NRCAM: variants seen among roughly 807,000 people sequenced by gnomAD.
NRCAM encodes neuronal cell adhesion molecule, also known as NgCAM-related cell adhesion molecule.
In NRCAM, 83 loss-of-function variants were observed where a neutral mutation model predicts 156.5. That is an observed-to-expected ratio of 0.53 (90% confidence interval 0.44 to 0.64). The LOEUF (loss-of-function observed/expected upper bound fraction) is 0.64. Among genes scored for constraint, NRCAM ranks in the 30% least tolerant of loss-of-function variants. The pLI is 0.00. For missense variants in NRCAM, 1,417 were observed against 1,597.3 expected, an observed-to-expected ratio of 0.89 and a Z score of 1.92; for synonymous variants, 538 against 563.9, an observed-to-expected ratio of 0.95 and a Z score of 0.65.
At chr7:108,340,493 G>A (rs931203050) in intron 2 of NRCAM, among the ~76,000 whole-genome samples, 5 of 152,164 alleles carry the variant, frequency 3.3e-5, no homozygotes, top group East Asian at 1.9e-4. Flanking sequence ...ACTGCAGCCC[G>A]AGAGTTTGGC....
At chr7:108,210,981 T>G (rs187318912) in intron 11 of NRCAM, among the ~76,000 whole-genome samples, 2 of 152,212 alleles carry the variant, frequency 1.3e-5, no homozygotes, top group Non-Finnish European at 2.9e-5. Flanking sequence ...CAGAGCAGCA[T>G]GTGGAGGCTT....
chr7:108,308,826 A>T (rs960602479), intron 3 of NRCAM, among the ~76,000 whole-genome samples: 3 of 152,234 alleles, frequency 2.0e-5, no homozygotes, highest in African/African-American at 7.2e-5. Flanking sequence ...GCTGTGTCCC[A>T]TAAGAATAAT....
chr7:108,274,813 T>G (rs935332254), intron 3 of NRCAM, among the ~76,000 whole-genome samples: 14 of 152,244 alleles, frequency 9.2e-5, no homozygotes, highest in African/African-American at 3.4e-4. Context: ...CCTTGTCTTG[T>G]GCTGGCTTTC....
At position 108,191,759 on chromosome 7, in the gene NRCAM, C is replaced by A; in HGVS notation, c.1873G>T (p.Val625Phe). 6.2e-7 allele frequency: 1 copy of A among 1,613,882 alleles called. No homozygotes were observed. The highest frequency in any genetic ancestry group is 8.5e-7 in the Non-Finnish European group (1 of 1,179,832). The change falls in exon 18 of 33, where the codon GTC becomes TTC. Residue 625 changes from valine to phenylalanine, a missense_variant. By Grantham distance (50) the Val-to-Phe change is conservative (BLOSUM62 -1). This residue lies in a region of NRCAM where 1,238 missense variants were observed against 1,336.4 expected (regional missense o/e 0.93). Coordinates refer to ENST00000379028, the MANE Select transcript of NRCAM (RefSeq NM_001037132.4). The stretch of plus-strand genomic sequence containing the variant: ...ACGCTAAGCACAGCGCTGGCGGAGA[C>A]GCTGTCCAGAGTGGTGTTGGCCACA... ...TCVANTTLDS[V>F]SASAVLSVVA...
At chr7:108,406,071 G>C (rs2099806550) in intron 1 of NRCAM, among the ~76,000 whole-genome samples, 1 of 152,024 alleles carries the variant, frequency 6.6e-6, no homozygotes, top group Non-Finnish European at 1.5e-5. Context: ...TCAAAGATAG[G>C]ACTATTCCTG....
chr7:108,160,838 A>G (rs1036479810), intron 30 of NRCAM, among the ~76,000 whole-genome samples: 1 of 152,254 alleles, frequency 6.6e-6, no homozygotes, highest in Non-Finnish European at 1.5e-5. Flanking sequence ...TACATTTTAC[A>G]TTAAGTATAA....
In NRCAM at chr7:108,216,629, C is replaced by G. The variant is rs1040880018; in HGVS notation, c.891-7024G>C. ...TTCATTCTTTTTCATTCTTTTTTCT[C>G]TAATCTTGTCTTCACACTTTATTTC... On this transcript the variant is annotated intron_variant, in intron 11 of 32. Coordinates refer to ENST00000379028, the MANE Select transcript of NRCAM (RefSeq NM_001037132.4). Among the ~76,000 whole-genome samples the G allele has an allele frequency of 2.6e-5, 4 of 152,112 alleles. No homozygotes were observed. The South Asian group carries it at 8.3e-4, about 32-fold the overall frequency.
At chr7:108,447,134 A>T (rs888218001) in intron 1 of NRCAM, among the ~76,000 whole-genome samples, 3 of 151,794 alleles carry the variant, frequency 2.0e-5, no homozygotes, top group East Asian at 3.9e-4. Context: ...TTTCTGAAAA[A>T]TTTTTCATGA....
chr7:108,356,258 T>C (rs907000731), intron 2 of NRCAM, among the ~76,000 whole-genome samples: 3 of 152,226 alleles, frequency 2.0e-5, no homozygotes, highest in Non-Finnish European at 2.9e-5. Flanking sequence ...CAATAAGATA[T>C]TTTAAGAGAC....
rs149983758 is a variant in NRCAM at position 108,179,374 on chromosome 7, T to C, written c.2851+849A>G. ...AGAGGCTGCTGGGCAGCTGCCTGCA[T>C]CATGAATCTTTCAATCAGCAGCCAG... On this transcript the variant is annotated intron_variant, in intron 25 of 32. Transcript: ENST00000379028. 6.7e-3 allele frequency among the ~76,000 whole-genome samples: 1,019 copies of C among 152,282 alleles called. 5 individuals carry two copies. Among genetic ancestry groups the C allele is most frequent in the Non-Finnish European group, 0.01 (707 of 68,020 alleles).
chr7:108,428,733 G>T (rs564972791), intron 1 of NRCAM, among the ~76,000 whole-genome samples: 3 of 152,176 alleles, frequency 2.0e-5, no homozygotes, highest in South Asian at 4.2e-4. Context: ...ATAAAAGATG[G>T]GGCTCCATTT....
At chr7:108,444,854 C>G (rs1292056248) in intron 1 of NRCAM, among the ~76,000 whole-genome samples, 1 of 152,194 alleles carries the variant, frequency 6.6e-6, no homozygotes, top group Non-Finnish European at 1.5e-5. Flanking sequence ...ATCCATAACA[C>G]ATTCCCATTT....
chr7:108,257,524 T>C (rs2096730683), intron 3 of NRCAM, among the ~76,000 whole-genome samples: 1 of 152,162 alleles, frequency 6.6e-6, no homozygotes, highest in East Asian at 1.9e-4. Context: ...TATTAAGCGA[T>C]ACTGAGAGAA....
intron 13 of NRCAM, among the ~76,000 whole-genome samples, chr7:108,204,745 T>A (rs2080158580): frequency 6.6e-6 from 1 of 152,090 alleles, no homozygotes; most frequent in South Asian, 2.1e-4. Flanking sequence ...GTCTTCTCAG[T>A]CTCCTTTTTT....
In NRCAM at chr7:108,343,720, G is replaced by A. The variant is rs547011821; in HGVS notation, c.-173-30989C>T. 1.3e-4 allele frequency among the ~76,000 whole-genome samples: 20 copies of A among 152,232 alleles called. No homozygotes were observed. In the East Asian group the frequency reaches 3.5e-3, roughly 26 times the overall value. On this transcript the variant is annotated intron_variant, in intron 2 of 32. Coordinates refer to ENST00000379028, the MANE Select transcript of NRCAM (RefSeq NM_001037132.4). ...AACCCTTCATCAAACCTTTCACTTA[G>A]GCACTGATAACACCCATTAGATGAC... is the stretch of plus-strand genomic sequence containing the variant.
At chr7:108,254,361 C>T (rs995071494) in intron 3 of NRCAM, among the ~76,000 whole-genome samples, 2 of 152,182 alleles carry the variant, frequency 1.3e-5, no homozygotes, top group Non-Finnish European at 2.9e-5. Context: ...TGAAAAGATG[C>T]TCAATATCAT....
intron 2 of NRCAM, among the ~76,000 whole-genome samples, chr7:108,351,161 T>C (rs2099409709): frequency 6.6e-6 from 1 of 151,772 alleles, no homozygotes; most frequent in African/African-American, 2.4e-5. Context: ...ATCTTGGGAG[T>C]GGGATTCTGA....
Position 108,318,515 on chromosome 7 carries a change from C to A in NRCAM, c.-173-5784G>T, listed in dbSNP as rs12113970. Among the ~76,000 whole-genome samples, 6 of 152,282 alleles carry A rather than the reference C, an allele frequency of 3.9e-5. No homozygotes were observed. The South Asian group carries it at 1.2e-3, about 32-fold the overall frequency. On this transcript the variant is annotated intron_variant, in intron 2 of 32. Transcript: ENST00000379028. ...CCCTTTCTCAAAGTAATATCAGGAA[C>A]GTTCCACAGGGTGGAAAACACACTG...
At chr7:108,189,089 C>T (rs976677921) in intron 20 of NRCAM, among the ~76,000 whole-genome samples, 1 of 151,892 alleles carries the variant, frequency 6.6e-6, no homozygotes, top group African/African-American at 2.4e-5. Context: ...AGGCCCTAGG[C>T]TTGTGTCACC....
Sources: gnomAD v4.1 joint callset for allele counts (sites outside exome capture counted in the v4.1 genomes callset) on GRCh38, gnomAD v4.1.1 for gene constraint, gnomAD v4.1.1 regional missense constraint, MANE v1.5 for transcripts, NCBI Gene and HGNC (gene_info 2026-07-23, HGNC 2026-07-21) for gene names.